Variants in CNTNAP3 observed in about 807,000 individuals in gnomAD.
CNTNAP3 encodes the protein contactin associated protein family member 3.
Under a neutral mutation model 92.1 loss-of-function variants are expected in CNTNAP3, and 36 were observed. The observed-to-expected ratio is 0.39, with a 90% CI of 0.30 to 0.52. The LOEUF is 0.52. Among genes scored for constraint, CNTNAP3 ranks in the 20% least tolerant of loss-of-function variants. The probability of loss-of-function intolerance (pLI) is 0.76; values close to 1 mark genes in which losing one functional copy is unlikely to be tolerated. For synonymous variants in CNTNAP3, 232 were observed against 422.3 expected, an observed-to-expected ratio of 0.55 and a Z score of 5.53; for missense variants, 534 against 1,069.6, an observed-to-expected ratio of 0.50 and a Z score of 6.98.
At chr9:39,129,497 T>TA (rs1373075758) in intron 13 of CNTNAP3, among the ~76,000 whole-genome samples, 2 of 152,158 alleles carry the variant, frequency 1.3e-5, no homozygotes, top group African/African-American at 4.8e-5. Flanking sequence ...GGCATGGAAT[T>TA]AAAAGTAAAA....
intron 15 of CNTNAP3, among the ~76,000 whole-genome samples, chr9:39,107,291 A>T (rs549265580): frequency 3.7e-4 from 56 of 151,558 alleles, no homozygotes; most frequent in Admixed American, 1.1e-3. Context: ...AGAAAGAAAG[A>T]AGAGAGGGAG....
intron 12 of CNTNAP3, among the ~76,000 whole-genome samples, chr9:39,134,533 T>A (rs1821381977): frequency 6.6e-6 from 1 of 152,118 alleles, no homozygotes; most frequent in African/African-American, 2.4e-5. Flanking sequence ...CAAGCAGTTC[T>A]CCTGTCTCAG....
intron 13 of CNTNAP3, among the ~76,000 whole-genome samples, chr9:39,128,079 T>A (rs1422275954): frequency 6.6e-6 from 1 of 152,150 alleles, no homozygotes; most frequent in African/African-American, 2.4e-5. Context: ...CCTCAAATGA[T>A]CCATCTGCCT....
intron 18 of CNTNAP3, among the ~76,000 whole-genome samples, chr9:39,095,603 A>T (rs1227690590): frequency 7.0e-6 from 1 of 143,260 alleles, no homozygotes; most frequent in East Asian, 2.1e-4. Context: ...TTCCCCTCTC[A>T]TTCTATTAAT....
At chr9:39,132,136 T>C (rs539474233) in intron 13 of CNTNAP3, among the ~76,000 whole-genome samples, 1 of 152,206 alleles carries the variant, frequency 6.6e-6, no homozygotes, top group Non-Finnish European at 1.5e-5. Flanking sequence ...TCCTCCCGCC[T>C]ATATACTATT....
chr9:39,126,313 C>A (rs867562757), intron 13 of CNTNAP3, among the ~76,000 whole-genome samples: 1 of 152,042 alleles, frequency 6.6e-6, no homozygotes, highest in Admixed American at 6.6e-5. Context: ...AATTAATAAC[C>A]TTCCCAAACA....
rs552794600 is a variant in CNTNAP3 at position 39,150,841 on chromosome 9, T to C, written c.1478-864A>G. On this transcript the variant is annotated intron_variant, in intron 9 of 23. Transcript: ENST00000297668. ...CTTATGACATCACTTCCCTTTACTATGTGGGCTTGTTTTGTGAAACAAGAA... is the reference window on the plus strand; with the variant it reads ...CTTATGACATCACTTCCCTTTACTACGTGGGCTTGTTTTGTGAAACAAGAA... Among the ~76,000 whole-genome samples, 469 of 109,490 alleles carry C rather than the reference T, an allele frequency of 4.3e-3. 16 individuals carry two copies. The highest frequency in any genetic ancestry group is 0.016 in the African/African-American group (423 of 26,856). The allele number at this position is 109,490 out of a possible 152,430, so 71.8% of individuals were successfully genotyped here.
chr9:39,135,850 C>A (rs1821416890), intron 12 of CNTNAP3, among the ~76,000 whole-genome samples: 1 of 152,040 alleles, frequency 6.6e-6, no homozygotes, highest in Non-Finnish European at 1.5e-5. Flanking sequence ...ATGGTTGTGG[C>A]CAGGCATGGT....
At chr9:39,084,194 G>GTTTTTTGTTTT (rs1564068460) in intron 21 of CNTNAP3, among the ~76,000 whole-genome samples, 1 of 116,874 alleles carries the variant, frequency 8.6e-6, no homozygotes, top group Non-Finnish European at 1.8e-5. Context: ...TGCTCACCAA[G>GTTTTTTGTTTT]TTTTTTTTTT....
chr9:39,092,624 G>C (rs1253226914), intron 18 of CNTNAP3, among the ~76,000 whole-genome samples: 11 of 137,064 alleles, frequency 8.0e-5, no homozygotes, highest in Admixed American at 1.4e-4. Flanking sequence ...GTTGAGGCTT[G>C]ATTTACAGGT....
chr9:39,111,039 TA>T (rs957407920), intron 14 of CNTNAP3, among the ~76,000 whole-genome samples: 13 of 152,164 alleles, frequency 8.5e-5, no homozygotes, highest in African/African-American at 1.9e-4. Context: ...CTTTCTGAAT[TA>T]AAAAAAATTA....
At chr9:39,146,515 C>T (rs902310794) in intron 10 of CNTNAP3, among the ~76,000 whole-genome samples, 1 of 151,166 alleles carries the variant, frequency 6.6e-6, no homozygotes, top group African/African-American at 2.4e-5. Flanking sequence ...CGGTGAAACC[C>T]CGTCTTTACT....
intron 17 of CNTNAP3, among the ~76,000 whole-genome samples, chr9:39,102,169 A>G (rs1413767439): frequency 6.6e-6 from 1 of 152,250 alleles, no homozygotes; most frequent in Non-Finnish European, 1.5e-5. Flanking sequence ...AATCCCAGCT[A>G]CTCAGGAGGC....
intron 18 of CNTNAP3, among the ~76,000 whole-genome samples, chr9:39,094,258 A>G (rs4062907): frequency 6.6e-6 from 1 of 151,570 alleles, no homozygotes; most frequent in Non-Finnish European, 1.5e-5. Context: ...TCTAGATAGT[A>G]AACCTCCATC....
intron 9 of CNTNAP3, among the ~76,000 whole-genome samples, chr9:39,150,964 A>C (rs1477182080): frequency 6.8e-6 from 1 of 147,152 alleles, no homozygotes; most frequent in Non-Finnish European, 1.5e-5. Context: ...TCTTGAACTT[A>C]CTCCCACCCT....
intron 12 of CNTNAP3, among the ~76,000 whole-genome samples, chr9:39,137,773 C>A (rs867348388): frequency 4.6e-5 from 7 of 152,176 alleles, no homozygotes; most frequent in Non-Finnish European, 1.0e-4. Context: ...CTCAGCCTCC[C>A]ACAGTGCTGG....
intron 14 of CNTNAP3, 74 bp downstream of exon 14, chr9:39,118,029 T>G: frequency 6.3e-7 from 1 of 1,587,390 alleles, no homozygotes; most frequent in African/African-American, 1.3e-5. Flanking sequence ...CCAGCTTGTC[T>G]GACATTTAAT....
intron 12 of CNTNAP3, among the ~76,000 whole-genome samples, chr9:39,136,481 TTC>T (rs1295342763): frequency 5.3e-5 from 8 of 152,210 alleles, no homozygotes; most frequent in Non-Finnish European, 1.2e-4. Context: ...TTGTTTTGTT[TTC>T]TCTCTTTCAC....
chr9:39,136,007 T>C (rs1821421124), intron 12 of CNTNAP3, among the ~76,000 whole-genome samples: 1 of 151,840 alleles, frequency 6.6e-6, no homozygotes, highest in East Asian at 1.9e-4. Context: ...CACGTGCCTG[T>C]AGTCCCAGCT....
Sources: gnomAD v4.1 joint callset for allele counts (sites outside exome capture counted in the v4.1 genomes callset) on GRCh38, gnomAD v4.1.1 for gene constraint, MANE v1.5 for transcripts, NCBI Gene and HGNC (gene_info 2026-07-23, HGNC 2026-07-21) for gene names.